The following NEGR1 variants were observed in gnomAD, a reference collection of about 807,000 sequenced individuals.
NEGR1 encodes IgLON family member 4.
NEGR1 carries 10 observed loss-of-function variants against 40.9 expected under a neutral mutation model. That is an observed-to-expected ratio of 0.24 (90% CI 0.15 to 0.42). NEGR1 has a LOEUF of 0.42. NEGR1 is among the 10% of genes least tolerant of loss of function. The pLI is 1.00. For missense variants in NEGR1, 352 were observed against 438.9 expected, an observed-to-expected ratio of 0.80 and a Z score of 1.77; for synonymous variants, 185 against 166.8, an observed-to-expected ratio of 1.11 and a Z score of -0.84.
chr1:71,988,545 CAAAAA>C (rs1197884975), intron 1 of NEGR1, among the ~76,000 whole-genome samples: 1,187 of 39,602 alleles, frequency 0.03, 4 homozygotes, highest in African/African-American at 0.1. Context: ...GACTCCGTCT[CAAAAA>C]AAAAAAAAAA....
intron 4 of NEGR1, among the ~76,000 whole-genome samples, chr1:71,663,058 A>AC (rs1652120933): frequency 6.6e-6 from 1 of 151,514 alleles, no homozygotes; most frequent in Non-Finnish European, 1.5e-5. Context: ...CCGGGTTCAT[A>AC]CCATTCTCCT....
intron 3 of NEGR1, among the ~76,000 whole-genome samples, chr1:71,709,893 T>C (rs1481220080): frequency 6.6e-6 from 1 of 152,162 alleles, no homozygotes; most frequent in African/African-American, 2.4e-5. Flanking sequence ...AAAAAGCTTC[T>C]GCACAACAAA....
rs183994555 is a variant in NEGR1, at chr1:71,854,758, T to G, written c.410-78461A>C. Among the ~76,000 whole-genome samples, 3 of 152,010 alleles carry G rather than the reference T, an allele frequency of 2.0e-5. No homozygotes were observed. In the East Asian group the frequency reaches 5.8e-4, roughly 29 times the overall value. On this transcript the variant is annotated intron_variant, in intron 2 of 6. Coordinates refer to ENST00000357731, the MANE Select transcript of NEGR1 (RefSeq NM_173808.3). ...TGAGCAAAGGGGGGAAAGTCCCTTA[T>G]AAAACCATTAGATCTTGTGAGAACT...
intron 6 of NEGR1, among the ~76,000 whole-genome samples, chr1:71,549,880 G>T (rs1392397867): frequency 6.6e-6 from 1 of 151,638 alleles, no homozygotes; most frequent in African/African-American, 2.4e-5. Flanking sequence ...ATAGAGCCAG[G>T]CATATAGCAA....
chr1:71,854,202 G>C (rs1300236677), intron 2 of NEGR1, among the ~76,000 whole-genome samples: 1 of 151,488 alleles, frequency 6.6e-6, no homozygotes, highest in East Asian at 1.9e-4. Flanking sequence ...AATATTTTTG[G>C]TACCTTTTAC....
intron 5 of NEGR1, among the ~76,000 whole-genome samples, chr1:71,606,926 G>GC (rs1196237421): frequency 6.6e-6 from 1 of 152,158 alleles, no homozygotes. Context: ...GGCACTGCCT[G>GC]TTTTTTGTTT....
intron 1 of NEGR1, among the ~76,000 whole-genome samples, chr1:72,150,405 TAA>T (rs1409604494): frequency 6.6e-6 from 1 of 152,098 alleles, no homozygotes; most frequent in East Asian, 1.9e-4. Flanking sequence ...GCTTCTACAA[TAA>T]GTAAATACAA....
chr1:71,811,729 T>C (rs553289660), intron 2 of NEGR1, among the ~76,000 whole-genome samples: 2 of 151,278 alleles, frequency 1.3e-5, no homozygotes, highest in Admixed American at 6.6e-5. Flanking sequence ...CTCAGCCTTT[T>C]GAAAAGTGTC....
intron 2 of NEGR1, among the ~76,000 whole-genome samples, chr1:71,825,543 TA>T (rs1658588297): frequency 6.6e-6 from 1 of 151,846 alleles, no homozygotes; most frequent in South Asian, 2.1e-4. Context: ...AAGGGCAATA[TA>T]AAAATAATTA....
At chr1:72,117,544 G>A (rs192502659) in intron 1 of NEGR1, among the ~76,000 whole-genome samples, 2 of 151,802 alleles carry the variant, frequency 1.3e-5, no homozygotes, top group East Asian at 1.9e-4. Flanking sequence ...TCTGGGGAGG[G>A]GGAATAAATC....
intron 6 of NEGR1, chr1:71,490,081 A>G (rs1362955993): frequency 1.3e-5 from 2 of 152,036 alleles, no homozygotes; most frequent in African/African-American, 4.8e-5. Context: ...TGTTCTTTAC[A>G]TTATAACATC....
chr1:72,184,107 T>G (rs1227871152), intron 1 of NEGR1, among the ~76,000 whole-genome samples: 2 of 152,104 alleles, frequency 1.3e-5, no homozygotes, highest in Non-Finnish European at 2.9e-5. Flanking sequence ...GTACCTTCTC[T>G]GCAGAATCCC....
chr1:71,418,075 C>CTT (rs34107424), intron 6 of NEGR1, among the ~76,000 whole-genome samples: 92,159 of 140,408 alleles, frequency 0.66, 31,525 homozygotes, highest in Non-Finnish European at 0.75. Context: ...CCAGGGTACA[C>CTT]TTTTTTTTTT....
chr1:72,152,677 T>C (rs1349132209), intron 1 of NEGR1, among the ~76,000 whole-genome samples: 2 of 152,008 alleles, frequency 1.3e-5, no homozygotes, highest in Non-Finnish European at 2.9e-5. Flanking sequence ...TGTACTTATA[T>C]GTTCATAGCT....
At chr1:71,662,949 T>C (rs887405337) in intron 4 of NEGR1, among the ~76,000 whole-genome samples, 2 of 151,942 alleles carry the variant, frequency 1.3e-5, no homozygotes, top group African/African-American at 4.8e-5. Flanking sequence ...TTTTGTTTTT[T>C]AGTGTTTTTT....
At chr1:71,743,173 A>C (rs1244288638) in intron 3 of NEGR1, among the ~76,000 whole-genome samples, 2 of 152,222 alleles carry the variant, frequency 1.3e-5, no homozygotes, top group Non-Finnish European at 2.9e-5. Context: ...CACCCAGTCT[A>C]TGGCATTTGT....
chr1:71,537,562 C>A (rs1386131638), intron 6 of NEGR1, among the ~76,000 whole-genome samples: 1 of 151,690 alleles, frequency 6.6e-6, no homozygotes, highest in African/African-American at 2.4e-5. Context: ...AGTTTACACA[C>A]AATTTTCCAA....
At chr1:71,955,426 G>T (rs916130682) in intron 1 of NEGR1, among the ~76,000 whole-genome samples, 1 of 151,994 alleles carries the variant, frequency 6.6e-6, no homozygotes, top group Non-Finnish European at 1.5e-5. Flanking sequence ...TGAACTCAGG[G>T]TTCTGGATCC....
At chr1:71,766,388 AT>A (rs1233828487) in intron 3 of NEGR1, among the ~76,000 whole-genome samples, 1 of 152,212 alleles carries the variant, frequency 6.6e-6, no homozygotes, top group African/African-American at 2.4e-5. Flanking sequence ...CTTAATGCCT[AT>A]GATAATTAAG....
Sources: gnomAD v4.1 joint callset for allele counts (sites outside exome capture counted in the v4.1 genomes callset) on GRCh38, gnomAD v4.1.1 for gene constraint, MANE v1.5 for transcripts, NCBI Gene and HGNC (gene_info 2026-07-23, HGNC 2026-07-21) for gene names.